The following MYH14 variants were observed in gnomAD, a reference collection of about 807,000 sequenced individuals.
The protein encoded by MYH14 is myosin-14.
A neutral mutation model predicts 255.5 loss-of-function variants in MYH14; 123 were observed. The ratio of observed to expected loss-of-function variants is 0.48; its 90% CI spans 0.42 to 0.56. The LOEUF is 0.56. Ranked by LOEUF, MYH14 falls within the 20% of genes least tolerant of loss-of-function variation. MYH14 has a pLI of 0.00. For synonymous variants in MYH14, 1,095 were observed against 1,161.2 expected, an observed-to-expected ratio of 0.94 and a Z score of 1.16; for missense variants, 2,423 against 2,802.3, an observed-to-expected ratio of 0.86 and a Z score of 3.06.
At chr19:50,267,162 A>C (rs2035117673) in intron 23 of MYH14, among the ~76,000 whole-genome samples, 154 bp downstream of exon 23, 1 of 148,442 alleles carries the variant, frequency 6.7e-6, no homozygotes, top group African/African-American at 2.5e-5. Context: ...AGGTGTACTG[A>C]GGCCGGGCGG....
chr19:50,307,205 C>T (rs768455431), intron 41 of MYH14, 48 bp downstream of exon 41: 5 of 1,199,790 alleles, frequency 4.2e-6, no homozygotes, highest in Non-Finnish European at 6.0e-6. Context: ...TGACCACTGG[C>T]TGAGAAATTG....
intron 10 of MYH14, among the ~76,000 whole-genome samples, chr19:50,236,437 C>T (rs1246876788): frequency 2.0e-5 from 3 of 152,024 alleles, no homozygotes; most frequent in African/African-American, 4.8e-5. Flanking sequence ...CAGCTGGGCG[C>T]GGTGGCTCAC....
chr19:50,280,488 C>A lies in MYH14; in HGVS notation c.4290+105C>A. On this transcript the variant is annotated intron_variant, in intron 32 of 42. Transcript: ENST00000642316. This position sits in a 1 kb window ranked among gnomAD's most constrained non-coding sequence, Gnocchi z 4.8. ...CCATGCTGCCCACCTTCTCATAGGC[C>A]AGACCCATGGGTGCCTTTCTCATCT... is the stretch of plus-strand genomic sequence containing the variant. 1 of 1,236,162 alleles carries A rather than the reference C, an allele frequency of 8.1e-7. No homozygotes were observed. The highest frequency in any genetic ancestry group is 1.1e-6 in the Non-Finnish European group (1 of 911,406). 76.6% of individuals were successfully genotyped at this position (1,236,162 alleles called of 1,614,324 possible). A position where few individuals can be genotyped will look rare whatever the true frequency, so the allele number is the denominator to read the frequency against.
Position 50,280,311 on chromosome 19 carries a change from G to A in MYH14, c.4218G>A (p.Leu1406=), listed in dbSNP as rs1260663659. 2.6e-6 allele frequency: 4 copies of A among 1,550,740 alleles called. No individual in the cohort carries two copies. The highest frequency in any genetic ancestry group is 3.5e-6 in the Non-Finnish European group (4 of 1,146,846). ...CCATGGAGGCTGAGGCAGCCGGGCT[G>A]CGTGAGCAGCTGGAGGAGGAGGCAG... is the stretch of plus-strand genomic sequence containing the variant. ...VRAMEAEAAG[L]REQLEEEAAA... is the part of the protein sequence containing the mutation. Residue 1406 remains leucine (L), a synonymous_variant, in exon 32 of 43, where the codon CTG becomes CTA. Transcript: ENST00000642316. This position sits in a 1 kb window ranked among gnomAD's most constrained non-coding sequence, Gnocchi z 4.8.
rs770767114 is a variant in MYH14 at position 50,286,557 on chromosome 19, C to T, written c.4615C>T (p.Arg1539Cys). ...RERAEAEGRE[R>C]EARALSLTRA... ...GCGGGCCGAGGCAGAGGGCCGGGAG[C>T]GTGAGGCTCGGGCCCTGTCACTGAC... Residue 1539 changes from arginine (R) to cysteine (C), a missense_variant, in exon 34 of 43, where the codon CGT becomes TGT. By Grantham distance (180) the Arg-to-Cys change is radical (BLOSUM62 -3). Coordinates refer to ENST00000642316, the MANE Select transcript of MYH14 (RefSeq NM_001145809.2). 22 of 1,611,988 alleles carry T rather than the reference C, an allele frequency of 1.4e-5. No homozygotes were observed. The highest frequency in any genetic ancestry group is 6.6e-5 in the South Asian group (6 of 90,488).
At chr19:50,302,298 A>AAAAAAAAAAAAC (rs1555778551) in intron 40 of MYH14, among the ~76,000 whole-genome samples, 5 of 144,448 alleles carry the variant, frequency 3.5e-5, no homozygotes, top group African/African-American at 1.3e-4. Flanking sequence ...AAAAAAAAAA[A>AAAAAAAAAAAAC]CAGCCAGGCA....
intron 24 of MYH14, among the ~76,000 whole-genome samples, chr19:50,270,130 G>A (rs1019392192): frequency 1.3e-5 from 2 of 152,204 alleles, no homozygotes; most frequent in South Asian, 2.1e-4. Context: ...GCCTGAGGTG[G>A]GAGGATCACC....
Position 50,276,024 on chromosome 19 carries a change from G to A in MYH14, c.3501G>A (p.Leu1167=). ...AEDEGGARAQ[L]LKSLREAQAA... ...ACGAGGGTGGGGCCCGGGCCCAGCT[G>A]CTGAAATCCCTGCGGGAGGCTCAAG... The change falls in exon 28 of 43, where the codon CTG becomes CTA. Residue 1167 remains leucine (L), a synonymous_variant. Coordinates refer to ENST00000642316, the MANE Select transcript of MYH14 (RefSeq NM_001145809.2). This position sits in a 1 kb window ranked among gnomAD's most constrained non-coding sequence, Gnocchi z 4.3. 6.2e-7 allele frequency: 1 copy of A among 1,613,022 alleles called. No homozygotes were observed. Among genetic ancestry groups the A allele is most frequent in the South Asian group, 1.1e-5 (1 of 90,910 alleles).
chr19:50,281,801 C>T lies in MYH14; in HGVS notation c.4498C>T (p.Leu1500Phe). The T allele has an allele frequency of 2.5e-6, 4 of 1,612,694 alleles. No homozygotes were observed. Among genetic ancestry groups the T allele is most frequent in the Non-Finnish European group, 3.4e-6 (4 of 1,179,754 alleles). Reference sequence around the variant, plus strand: ...CATGGACCTGGAGCAGCAGCGGCAGCTTGTGAGCACCCTGGAGAAGAAGCA... The same window carrying T: ...CATGGACCTGGAGCAGCAGCGGCAGTTTGTGAGCACCCTGGAGAAGAAGCA... ...ATMDLEQQRQ[L>F]VSTLEKKQRK... The change falls in exon 33 of 43, where the codon CTT becomes TTT. Residue 1500 changes from leucine (L) to phenylalanine (F), a missense_variant. Coordinates refer to ENST00000642316, the MANE Select transcript of MYH14 (RefSeq NM_001145809.2).
Position 50,281,596 on chromosome 19 carries a change from T to G in MYH14, c.4293T>G (p.Leu1431=). ...CACCCTCTCTCTCCTCCCCTCAGCT[T>G]TCCGAGTGGCGGCGGCGCCAGGAGG... ...GRELQTAQAQ[L]SEWRRRQEEE... The change falls in exon 33 of 43, where the codon CTT becomes CTG. Residue 1431 remains leucine, a splice_region_variant and synonymous_variant. Coordinates refer to ENST00000642316, the MANE Select transcript of MYH14 (RefSeq NM_001145809.2). The G allele has an allele frequency of 3.8e-6, 6 of 1,585,476 alleles. No homozygotes were observed. The highest frequency in any genetic ancestry group is 5.1e-6 in the Non-Finnish European group (6 of 1,165,818).
At chr19:50,222,180 G>A (rs867935796) in intron 3 of MYH14, among the ~76,000 whole-genome samples, 2 of 152,120 alleles carry the variant, frequency 1.3e-5, no homozygotes, top group East Asian at 1.9e-4. Flanking sequence ...AATTACCCCC[G>A]TTTAAGAACC....
At position 50,250,127 on chromosome 19, in the gene MYH14, G is replaced by C. The variant is rs2123307967; in HGVS notation, c.1656+304G>C. On this transcript the variant is annotated intron_variant, in intron 14 of 42. Coordinates refer to ENST00000642316, the MANE Select transcript of MYH14 (RefSeq NM_001145809.2). The surrounding 1 kb of genome is among the most constrained non-coding windows in gnomAD (Gnocchi z 5.4). ...TGTTTTGTTTTTTTCTTGAGACGGAGTCTCGCTCTATCGCCCAGGCTGGAG... is the reference window on the plus strand; with the variant it reads ...TGTTTTGTTTTTTTCTTGAGACGGACTCTCGCTCTATCGCCCAGGCTGGAG... Among the ~76,000 whole-genome samples, 1 of 152,310 alleles carries C rather than the reference G, an allele frequency of 6.6e-6. No homozygotes were observed. Among genetic ancestry groups the C allele is most frequent in the East Asian group, 1.9e-4 (1 of 5,184 alleles).
intron 2 of MYH14, among the ~76,000 whole-genome samples, chr19:50,211,995 A>G (rs2032220249): frequency 6.6e-6 from 1 of 152,032 alleles, no homozygotes; most frequent in Non-Finnish European, 1.5e-5. Flanking sequence ...CTCAAACAAA[A>G]CGAAACAATA....
rs565976294 is a variant in MYH14, at chr19:50,255,410, T to C, written c.2044+92T>C. ...GACCTGGTTTTGAACATCTGTCCCC[T>C]CTCCTCTTACTGTGGAGGTCTCTCA... On this transcript the variant is annotated intron_variant, in intron 17 of 42. Transcript: ENST00000642316. The C allele has an allele frequency of 7.5e-4, 699 of 937,700 alleles. No individual in the cohort carries two copies. In the African/African-American group the frequency reaches 0.01, roughly 14 times the overall value. The allele number at this position is 937,700 out of a possible 1,614,324, so 58.1% of individuals were successfully genotyped here.
intron 34 of MYH14, among the ~76,000 whole-genome samples, chr19:50,287,129 A>G (rs1460043544): frequency 6.6e-6 from 1 of 152,122 alleles, no homozygotes; most frequent in Admixed American, 6.5e-5. Flanking sequence ...AAAAAAAGAG[A>G]ACAAGAGGGG....
rs147919848 is a variant in MYH14, at chr19:50,283,063, A to G, written c.4539+1221A>G. Among the ~76,000 whole-genome samples, 1,143 of 152,010 alleles carry G rather than the reference A, an allele frequency of 7.5e-3. 9 individuals carry two copies. The highest frequency in any genetic ancestry group is 0.013 in the Non-Finnish European group (857 of 67,990). On this transcript the variant is annotated intron_variant, in intron 33 of 42. Transcript: ENST00000642316. ...CTTTATTATTTTTGGCATCTTCTGG[A>G]ATTTTATATAAATTATTTTCACATA...
intron 11 of MYH14, 33 bp downstream of exon 11, chr19:50,244,370 C>T (rs2034012276): frequency 1.9e-6 from 3 of 1,589,756 alleles, no homozygotes; most frequent in South Asian, 1.1e-5. Flanking sequence ...CCACGACCTC[C>T]AGCCCCCGCC....
chr19:50,267,099 G>A, intron 23 of MYH14, 91 bp downstream of exon 23: 3 of 1,285,656 alleles, frequency 2.3e-6, no homozygotes, highest in Admixed American at 2.1e-5. Context: ...GGGGCTTCCG[G>A]CTGAGCCAGC....
Position 50,244,177 on chromosome 19 carries a change from G to A in MYH14, c.1115-65G>A, listed in dbSNP as rs548042724. 1.9e-5 allele frequency: 27 copies of A among 1,412,040 alleles called. No homozygotes were observed. The African/African-American group carries it at 3.5e-4, about 18-fold the overall frequency. 87.5% of individuals were successfully genotyped at this position (1,412,040 alleles called of 1,614,324 possible). Reference sequence around the variant, plus strand: ...TAAGCTTTTTAAGTTACATGTTTAAGGGGCCAGTTAAGACCACACATCGGG... The same window carrying A: ...TAAGCTTTTTAAGTTACATGTTTAAAGGGCCAGTTAAGACCACACATCGGG... On this transcript the variant is annotated intron_variant, in intron 10 of 42. Transcript: ENST00000642316.
Sources: allele counts gnomAD v4.1 joint callset (sites outside exome capture counted in the v4.1 genomes callset), GRCh38; gene constraint gnomAD v4.1.1; non-coding constraint Gnocchi (gnomAD v3.1); transcripts MANE v1.5; gene names NCBI Gene and HGNC (gene_info 2026-07-23, HGNC 2026-07-21).